Variants in MROH9 observed in about 807,000 individuals in gnomAD.
MROH9 encodes maestro heat-like repeat-containing protein family member 9.
In MROH9, 92 loss-of-function variants were observed where a neutral mutation model predicts 98.2. The ratio of observed to expected loss-of-function variants is 0.94; its 90% confidence interval spans 0.79 to 1.11. MROH9 has a LOEUF of 1.11. Among genes scored for constraint, MROH9 ranks in the 50% most tolerant of loss-of-function variants. The pLI is 0.00. For synonymous variants in MROH9, 397 were observed against 368.9 expected (o/e 1.08, Z -0.87); for missense variants, 1,057 against 1,014.8 (o/e 1.04, Z -0.57).
chr1:170,988,770 CA>C (rs1651243565), intron 10 of MROH9, among the ~76,000 whole-genome samples: 1 of 152,108 alleles, frequency 6.6e-6, no homozygotes, highest in African/African-American at 2.4e-5. Context: ...CCTAACACAT[CA>C]AATATTTCAT....
At chr1:170,941,818 C>T (rs886581241) in intron 1 of MROH9, among the ~76,000 whole-genome samples, 18 of 152,162 alleles carry the variant, frequency 1.2e-4, no homozygotes, top group African/African-American at 4.3e-4. Flanking sequence ...TGGACACTCC[C>T]GGCGTGAGGG....
At chr1:170,978,804 T>G (rs1248500711) in intron 8 of MROH9, among the ~76,000 whole-genome samples, 2 of 152,142 alleles carry the variant, frequency 1.3e-5, no homozygotes, top group Non-Finnish European at 2.9e-5. Flanking sequence ...CCAGCCACTT[T>G]TTCATGTCAG....
At chr1:170,964,936 T>C (rs1304483298) in intron 6 of MROH9, among the ~76,000 whole-genome samples, 1 of 151,938 alleles carries the variant, frequency 6.6e-6, no homozygotes, top group African/African-American at 2.4e-5. Context: ...TTTTTGAATA[T>C]AATAAAATAA....
chr1:171,042,256 T>C (rs1653333002), intron 20 of MROH9, among the ~76,000 whole-genome samples: 1 of 152,126 alleles, frequency 6.6e-6, no homozygotes. Context: ...TTTCTGTTCC[T>C]AGCTTATTTC....
chr1:170,940,269 A>G (rs879805897), intron 1 of MROH9, among the ~76,000 whole-genome samples: 2 of 152,152 alleles, frequency 1.3e-5, no homozygotes, highest in Admixed American at 1.3e-4. Context: ...AGGCCTCTGA[A>G]TTTTTGTCAG....
chr1:171,038,970 A>C (rs1557909337), intron 20 of MROH9, among the ~76,000 whole-genome samples: 1 of 152,072 alleles, frequency 6.6e-6, no homozygotes, highest in African/African-American at 2.4e-5. Context: ...CTGAACCTGC[A>C]TTTCTGCATG....
chr1:170,965,366 T>C (rs2101897232), intron 7 of MROH9, 111 bp downstream of exon 7: 1 of 676,236 alleles, frequency 1.5e-6, no homozygotes, highest in Non-Finnish European at 2.6e-6. Context: ...GGTATTATTG[T>C]ACTGGTAGGT....
chr1:170,987,263 G>T (rs1651174984), intron 10 of MROH9, among the ~76,000 whole-genome samples: 1 of 152,258 alleles, frequency 6.6e-6, no homozygotes, highest in East Asian at 1.9e-4. Context: ...TGCCATATTT[G>T]CTTTAGAATT....
At chr1:170,983,845 C>T (rs905072692) in intron 9 of MROH9, among the ~76,000 whole-genome samples, 5 of 152,162 alleles carry the variant, frequency 3.3e-5, no homozygotes, top group Non-Finnish European at 7.4e-5. Context: ...AAATGGAGAA[C>T]TTCTGCTTAT....
chr1:171,017,445 A>G (rs1221619005), intron 17 of MROH9, among the ~76,000 whole-genome samples: 1 of 152,188 alleles, frequency 6.6e-6, no homozygotes, highest in Non-Finnish European at 1.5e-5. Context: ...TTGTGAGCCC[A>G]TGCCATAAGG....
intron 7 of MROH9, among the ~76,000 whole-genome samples, chr1:170,965,486 G>T (rs1167765524): frequency 6.6e-6 from 1 of 152,098 alleles, no homozygotes; most frequent in African/African-American, 2.4e-5. Context: ...CAAAGAGCAT[G>T]AGGGTGTTAA....
chr1:170,942,425 G>A (rs948262693), intron 1 of MROH9, among the ~76,000 whole-genome samples: 5 of 149,912 alleles, frequency 3.3e-5, no homozygotes, highest in Non-Finnish European at 5.9e-5. Flanking sequence ...AGAGAATACC[G>A]ATAATTTTAT....
intron 15 of MROH9, among the ~76,000 whole-genome samples, chr1:171,013,094 G>T (rs372026832): frequency 6.6e-6 from 1 of 152,040 alleles, no homozygotes; most frequent in Non-Finnish European, 1.5e-5. Context: ...ATCCTTGAAG[G>T]TCTCCTCTCT....
chr1:170,998,371 G>T, intron 15 of MROH9, 97 bp downstream of exon 15: 1 of 1,611,296 alleles, frequency 6.2e-7, no homozygotes, highest in Non-Finnish European at 8.5e-7. Context: ...CCCTCTGAAT[G>T]TTGGTTCTTA....
intron 8 of MROH9, among the ~76,000 whole-genome samples, chr1:170,975,263 A>C (rs1415754657): frequency 6.6e-6 from 1 of 152,192 alleles, no homozygotes; most frequent in Non-Finnish European, 1.5e-5. Flanking sequence ...TTAAATGTTA[A>C]AAGTTAGACA....
chr1:170,986,714 A>G lies in MROH9; in HGVS notation c.879+4A>G. 6.2e-7 allele frequency: 1 copy of G among 1,613,180 alleles called. No homozygotes were observed. The highest frequency in any genetic ancestry group is 8.5e-7 in the Non-Finnish European group (1 of 1,179,486). On this transcript the variant is annotated splice_donor_region_variant and intron_variant, in intron 10 of 21. Transcript: ENST00000367759. ...TCATGCCGAGAAGGTCACCATGGTA[A>G]GATACTTGACAATAAGCAGGAGAGC...
At chr1:170,979,629 G>A (rs1650850509) in intron 8 of MROH9, among the ~76,000 whole-genome samples, 1 of 152,054 alleles carries the variant, frequency 6.6e-6, no homozygotes, top group Non-Finnish European at 1.5e-5. Context: ...AATAGTCAAA[G>A]TATAAATGAA....
rs142125215 is a variant in MROH9, at chr1:170,976,306, G to A, written c.616+4423G>A. On this transcript the variant is annotated intron_variant, in intron 8 of 21. Coordinates refer to ENST00000367759, the MANE Select transcript of MROH9 (RefSeq NM_001163629.2). ...TACTGGTCTTTCCTTTCCATATTTAGTGCCCTTTTCAGGAGCTCTTATCAG... is the reference window on the plus strand; with the variant it reads ...TACTGGTCTTTCCTTTCCATATTTAATGCCCTTTTCAGGAGCTCTTATCAG... Among the ~76,000 whole-genome samples, 634 of 152,218 alleles carry A rather than the reference G, an allele frequency of 4.2e-3. 4 individuals carry two copies. Among genetic ancestry groups the A allele is most frequent in the Non-Finnish European group, 6.3e-3 (430 of 68,020 alleles).
intron 20 of MROH9, among the ~76,000 whole-genome samples, chr1:171,045,517 T>G (rs1653448517): frequency 6.6e-6 from 1 of 152,182 alleles, no homozygotes; most frequent in Non-Finnish European, 1.5e-5. Context: ...TTCAAGAAAT[T>G]TTTTAATTTC....
Sources: gnomAD v4.1 joint callset for allele counts (sites outside exome capture counted in the v4.1 genomes callset) on GRCh38, gnomAD v4.1.1 for gene constraint, MANE v1.5 for transcripts, NCBI Gene and HGNC (gene_info 2026-07-23, HGNC 2026-07-21) for gene names.